Variants in DLG2 observed in about 807,000 individuals in gnomAD.
DLG2 encodes the protein disks large homolog 2.
A neutral mutation model predicts 132.5 loss-of-function variants in DLG2; 45 were observed. The ratio of observed to expected loss-of-function variants is 0.34; its 90% CI spans 0.27 to 0.44. The LOEUF (loss-of-function observed/expected upper bound fraction) is 0.44, where lower values mean the gene tolerates loss of function less well. DLG2 is among the 20% of genes least tolerant of loss of function. DLG2 has a pLI of 1.00. For missense variants in DLG2, 1,045 were observed against 1,196.9 expected (o/e 0.87, Z 1.87); for synonymous variants, 424 against 419.6 (o/e 1.01, Z -0.13).
chr11:84,432,295 T>G (rs766931301), intron 7 of DLG2, among the ~76,000 whole-genome samples: 4 of 152,172 alleles, frequency 2.6e-5, no homozygotes, highest in Non-Finnish European at 4.4e-5. Context: ...TTGAAAGTAG[T>G]TCAGAATTCT....
intron 3 of DLG2, among the ~76,000 whole-genome samples, chr11:85,331,592 TAGTTC>T: frequency 6.6e-6 from 1 of 152,294 alleles, no homozygotes; most frequent in East Asian, 1.9e-4. Flanking sequence ...GCCTGATAGG[TAGTTC>T]ATCAAACCTC....
chr11:84,568,344 A>G (rs2099466048), intron 6 of DLG2, among the ~76,000 whole-genome samples: 1 of 152,140 alleles, frequency 6.6e-6, no homozygotes, highest in South Asian at 2.1e-4. Flanking sequence ...CCCCGTCTCT[A>G]CTAAAAATAC....
intron 10 of DLG2, among the ~76,000 whole-genome samples, chr11:84,084,801 A>ATC (rs760171657): frequency 2.8e-4 from 42 of 152,186 alleles, no homozygotes; most frequent in Non-Finnish European, 5.3e-4. Flanking sequence ...CACCATTGAT[A>ATC]TCTGATCACT....
rs926415694 is a variant in DLG2, at chr11:84,205,272, T to C, written c.574-41761A>G. Among the ~76,000 whole-genome samples, 80 of 152,182 alleles carry C rather than the reference T, an allele frequency of 5.3e-4. 1 individual carries two copies. The highest frequency in any genetic ancestry group is 1.6e-3 in the Admixed American group (24 of 15,282). ...AAACTTACAAAACTAAAGGGAAGTA[T>C]AGACAAATCTACAAATATATTTGGA... On this transcript the variant is annotated intron_variant, in intron 8 of 27. Coordinates refer to ENST00000376104, the MANE Select transcript of DLG2 (RefSeq NM_001142699.3).
intron 3 of DLG2, among the ~76,000 whole-genome samples, chr11:85,509,027 A>G (rs2093997923): frequency 6.6e-6 from 1 of 152,092 alleles, no homozygotes; most frequent in African/African-American, 2.4e-5. Flanking sequence ...CTAAATCACA[A>G]GAGTGAATAT....
Position 84,349,318 on chromosome 11 carries a change from C to T in DLG2, c.520-98027G>A, listed in dbSNP as rs558627425. On this transcript the variant is annotated intron_variant, in intron 7 of 27. Transcript: ENST00000376104. ...TAAAGCAGGATGTACTATGGCCACC[C>T]CCTGCCCCCACCTTCTTTTTTGAGT... 6.2e-4 allele frequency among the ~76,000 whole-genome samples: 94 copies of T among 152,250 alleles called. No individual in the cohort carries two copies. The Middle Eastern group carries it at 0.01, about 17-fold the overall frequency.
In DLG2 at chr11:83,753,881, TATCATATATATC is replaced by T. The variant is rs1566833344; in HGVS notation, c.1825+32797_1825+32808del. ...ATATATATTTCATATATATGATATA[TATCATATATATC>T]ATATATATATTTCATATATATTTCA... On this transcript the variant is annotated intron_variant, in intron 18 of 27. Coordinates refer to ENST00000376104, the MANE Select transcript of DLG2 (RefSeq NM_001142699.3). 5.0e-5 allele frequency among the ~76,000 whole-genome samples: 4 copies of T among 79,816 alleles called. 1 individual carries two copies. The highest frequency in any genetic ancestry group is 3.9e-4 in the African/African-American group (4 of 10,330). 52.4% of individuals were successfully genotyped at this position (79,816 alleles called of 152,430 possible).
intron 5 of DLG2, among the ~76,000 whole-genome samples, chr11:85,119,126 A>T (rs1176884111): frequency 2.0e-5 from 3 of 151,988 alleles, no homozygotes; most frequent in Non-Finnish European, 4.4e-5. Flanking sequence ...AGCGCTTAGC[A>T]AATGTCAAGA....
rs1004353395 is a variant in DLG2 at position 84,868,189 on chromosome 11, G to A, written c.357+243472C>T. Among the ~76,000 whole-genome samples the A allele has an allele frequency of 2.0e-3, 292 of 148,124 alleles. 1 individual carries two copies. Among genetic ancestry groups the A allele is most frequent in the Non-Finnish European group, 2.2e-3 (146 of 67,366 alleles). On this transcript the variant is annotated intron_variant, in intron 6 of 27. Coordinates refer to ENST00000376104, the MANE Select transcript of DLG2 (RefSeq NM_001142699.3). ...TATTATTATTATTATTGTTATGGAAGCATGTAACTATCATGGCCATTGAAG... is the reference window on the plus strand; with the variant it reads ...TATTATTATTATTATTGTTATGGAAACATGTAACTATCATGGCCATTGAAG...
intron 3 of DLG2, among the ~76,000 whole-genome samples, chr11:85,558,001 T>TAA: frequency 6.6e-6 from 1 of 151,820 alleles, no homozygotes; most frequent in Admixed American, 6.6e-5. Context: ...CAAAAGACAC[T>TAA]ACAACAGAGT....
chr11:85,566,413 A>C (rs2077528534), intron 3 of DLG2, among the ~76,000 whole-genome samples: 1 of 152,086 alleles, frequency 6.6e-6, no homozygotes, highest in Non-Finnish European at 1.5e-5. Context: ...AAAGTCATGA[A>C]GATTGTCTTA....
At chr11:84,468,666 T>A (rs1249754097) in intron 7 of DLG2, among the ~76,000 whole-genome samples, 1 of 151,562 alleles carries the variant, frequency 6.6e-6, no homozygotes, top group Non-Finnish European at 1.5e-5. Context: ...ATGCTTTAGA[T>A]CTTAGCTCTT....
intron 6 of DLG2, among the ~76,000 whole-genome samples, chr11:84,998,662 A>T (rs537047825): frequency 6.6e-6 from 1 of 152,148 alleles, no homozygotes; most frequent in African/African-American, 2.4e-5. Flanking sequence ...TACGTAAAGT[A>T]TGTCCTTTTA....
At chr11:85,507,620 T>TTC (rs2093965178) in intron 3 of DLG2, among the ~76,000 whole-genome samples, 1 of 147,482 alleles carries the variant, frequency 6.8e-6, no homozygotes, top group Non-Finnish European at 1.5e-5. Flanking sequence ...GTAACCCGAC[T>TTC]TCTCTGGCTG....
chr11:84,916,083 C>T (rs886917835), intron 6 of DLG2, among the ~76,000 whole-genome samples: 3 of 152,020 alleles, frequency 2.0e-5, no homozygotes, highest in African/African-American at 2.4e-5. Flanking sequence ...CGGTGGCTCA[C>T]GCCTGTAATC....
intron 7 of DLG2, among the ~76,000 whole-genome samples, chr11:84,384,895 T>G (rs1043619497): frequency 1.3e-5 from 2 of 152,116 alleles, no homozygotes; most frequent in African/African-American, 2.4e-5. Context: ...TCATGATACA[T>G]TCAAAGGCAA....
chr11:85,056,169 C>T (rs1289006756), intron 6 of DLG2, among the ~76,000 whole-genome samples: 4 of 152,012 alleles, frequency 2.6e-5, no homozygotes, highest in African/African-American at 9.7e-5. Context: ...TAGAAAAGAT[C>T]TTTGAAATAA....
At chr11:83,746,034 C>T (rs968731527) in intron 18 of DLG2, among the ~76,000 whole-genome samples, 3 of 152,174 alleles carry the variant, frequency 2.0e-5, no homozygotes, top group African/African-American at 7.2e-5. Context: ...GAGTTACCAT[C>T]TCACACCAGT....
At chr11:85,040,084 A>G (rs905919664) in intron 6 of DLG2, among the ~76,000 whole-genome samples, 1 of 151,938 alleles carries the variant, frequency 6.6e-6, no homozygotes, top group Non-Finnish European at 1.5e-5. Flanking sequence ...AACTTATTCA[A>G]TGTGCACTTT....
Sources: allele counts gnomAD v4.1 joint callset (sites outside exome capture counted in the v4.1 genomes callset), GRCh38; gene constraint gnomAD v4.1.1; transcripts MANE v1.5; gene names NCBI Gene and HGNC (gene_info 2026-07-23, HGNC 2026-07-21).